The following LUC7L2 variants were observed in gnomAD, a reference collection of about 807,000 sequenced individuals.
LUC7L2 encodes the protein LUC7 like 2, pre-mRNA splicing factor.
A neutral mutation model predicts 52.8 loss-of-function variants in LUC7L2; 25 were observed. The ratio of observed to expected loss-of-function variants is 0.47; its 90% CI spans 0.34 to 0.66. The LOEUF (loss-of-function observed/expected upper bound fraction) is 0.66, where lower values mean the gene tolerates loss of function less well. Among genes scored for constraint, LUC7L2 ranks in the 30% least tolerant of loss-of-function variants. LUC7L2 has a pLI of 0.01. For synonymous variants in LUC7L2, 144 were observed against 160.9 expected, an observed-to-expected ratio of 0.89 and a Z score of 0.80; for missense variants, 328 against 497.8, an observed-to-expected ratio of 0.66 and a Z score of 3.25.
chr7:139,358,548 ATC>A (rs1369823527), upstream of LUC7L2, among the ~76,000 whole-genome samples: 5 of 152,256 alleles, frequency 3.3e-5, no homozygotes, highest in African/African-American at 1.2e-4. Context: ...TGGAACACAA[ATC>A]TCTATTATGT....
chr7:139,380,623 G>T (rs1425534531), intron 2 of LUC7L2, among the ~76,000 whole-genome samples: 1 of 151,974 alleles, frequency 6.6e-6, no homozygotes, highest in Non-Finnish European at 1.5e-5. Context: ...AAAATAAGAA[G>T]CTTGGATTAT....
intron 1 of LUC7L2, among the ~76,000 whole-genome samples, chr7:139,364,985 ATAAT>A (rs1800081392): frequency 6.6e-6 from 1 of 152,246 alleles, no homozygotes; most frequent in African/African-American, 2.4e-5. Flanking sequence ...CATTTTTTAA[ATAAT>A]AACAGGATAT....
At chr7:139,376,849 C>T (rs1040710603) in intron 2 of LUC7L2, among the ~76,000 whole-genome samples, 3 of 152,170 alleles carry the variant, frequency 2.0e-5, no homozygotes, top group African/African-American at 7.2e-5. Context: ...GGCTAAACCT[C>T]GAGCTGGCTT....
upstream of LUC7L2, among the ~76,000 whole-genome samples, chr7:139,356,562 A>G (rs200902188): frequency 1.4e-4 from 21 of 150,640 alleles, no homozygotes; most frequent in East Asian, 4.0e-3. Flanking sequence ...CAGGTGGATC[A>G]CTTAAGGTCA....
At chr7:139,417,834 CTT>C (rs1334147074) in intron 9 of LUC7L2, 105 bp downstream of exon 9, 4 of 1,413,550 alleles carry the variant, frequency 2.8e-6, no homozygotes, top group African/African-American at 2.9e-5. Flanking sequence ...TGGTTTGAAA[CTT>C]TTGCATCTGG....
At chr7:139,418,277 G>T (rs764818778) in intron 9 of LUC7L2, among the ~76,000 whole-genome samples, 3 of 152,138 alleles carry the variant, frequency 2.0e-5, no homozygotes, top group Non-Finnish European at 4.4e-5. Flanking sequence ...CATTCAAAAG[G>T]TGCAGGCATA....
rs56825340 is a variant in LUC7L2 at position 139,350,586 on chromosome 7, CTTAG to C, written c.-26+10073_-26+10076del. 6.4e-3 allele frequency among the ~76,000 whole-genome samples: 967 copies of C among 152,040 alleles called. 11 individuals carry two copies. The highest frequency in any genetic ancestry group is 0.022 in the African/African-American group (917 of 41,452). ...CTTCAGGACACCAAACCCAGTGGAT[CTTAG>C]TTATTTTTTATCTCGTTTGTTGTCT... is the stretch of plus-strand genomic sequence containing the variant. On this transcript the variant is annotated intron_variant, in intron 1 of 10. Coordinates refer to the LUC7L2 transcript ENST00000541170.
chr7:139,370,591 A>G (rs1029616135), intron 1 of LUC7L2, among the ~76,000 whole-genome samples: 2 of 152,112 alleles, frequency 1.3e-5, no homozygotes, highest in Non-Finnish European at 2.9e-5. Context: ...TGTAGCTGAT[A>G]TTACAGACCT....
At chr7:139,375,192 G>C in intron 1 of LUC7L2, 2 of 984,194 alleles carry the variant, frequency 2.0e-6, no homozygotes, top group South Asian at 9.4e-5. Context: ...TGTTATTGGA[G>C]CTAGTTACCT....
chr7:139,371,572 C>T lies in LUC7L2; in HGVS notation c.62-4490C>T, dbSNP rs1043315157. On this transcript the variant is annotated intron_variant, in intron 1 of 9. Coordinates refer to ENST00000354926, the MANE Select transcript of LUC7L2 (RefSeq NM_016019.5). The stretch of plus-strand genomic sequence containing the variant: ...GGTGGGTAGTACTGGGGGGAGGGGG[C>T]GGATATTGGGAAGATAGCATGCAAA... 2.2e-5 allele frequency: 29 copies of T among 1,304,234 alleles called. No homozygotes were observed. The Admixed American group carries it at 3.0e-4, about 14-fold the overall frequency. The allele number at this position is 1,304,234 out of a possible 1,614,324, so 80.8% of individuals were successfully genotyped here.
At chr7:139,392,692 G>T (rs2131261890) in intron 2 of LUC7L2, 1 of 195,510 alleles carries the variant, frequency 5.1e-6, no homozygotes, top group Middle Eastern at 2.2e-3. Flanking sequence ...TTTCGCTCTT[G>T]TTGCCCAGGC....
At chr7:139,384,431 A>G (rs1031376642) in intron 2 of LUC7L2, among the ~76,000 whole-genome samples, 4 of 152,074 alleles carry the variant, frequency 2.6e-5, no homozygotes, top group African/African-American at 9.7e-5. Flanking sequence ...ATGCCCCGCT[A>G]ATTTCCAAAT....
chr7:139,342,151 A>G (rs555173306), intron 1 of LUC7L2, among the ~76,000 whole-genome samples: 1 of 151,862 alleles, frequency 6.6e-6, no homozygotes, highest in Non-Finnish European at 1.5e-5. Context: ...CTGTGCTAGG[A>G]ACCTGGTCTA....
chr7:139,341,136 C>G (rs1798931598), intron 1 of LUC7L2: 2 of 468,688 alleles, frequency 4.3e-6, no homozygotes, highest in Non-Finnish European at 6.9e-6. Context: ...TTTCCCCAAA[C>G]CCTTGTTCTG....
At chr7:139,348,572 A>T (rs1336540820) in intron 1 of LUC7L2, among the ~76,000 whole-genome samples, 1 of 151,596 alleles carries the variant, frequency 6.6e-6, no homozygotes, top group Non-Finnish European at 1.5e-5. Context: ...TACAAAAATT[A>T]GCTGGACTTA....
intron 1 of LUC7L2, among the ~76,000 whole-genome samples, chr7:139,364,419 A>C (rs1800041002): frequency 6.6e-6 from 1 of 152,164 alleles, no homozygotes; most frequent in Non-Finnish European, 1.5e-5. Flanking sequence ...GTTAGATAGA[A>C]TTTTATAGCA....
chr7:139,378,182 C>T (rs1006478892), intron 2 of LUC7L2, among the ~76,000 whole-genome samples: 1 of 152,058 alleles, frequency 6.6e-6, no homozygotes, highest in Non-Finnish European at 1.5e-5. Flanking sequence ...TGCTATGCTG[C>T]ATCTGAAATC....
At chr7:139,365,986 A>G (rs777065079) in intron 1 of LUC7L2, among the ~76,000 whole-genome samples, 1 of 152,230 alleles carries the variant, frequency 6.6e-6, no homozygotes, top group African/African-American at 2.4e-5. Context: ...TCAGTTTTGC[A>G]AGATTATTGA....
At chr7:139,416,384 G>A (rs1795620488) in intron 8 of LUC7L2, 1 of 151,818 alleles carries the variant, frequency 6.6e-6, no homozygotes, top group South Asian at 2.1e-4. Context: ...CCAGCACCTT[G>A]ATCGTATATT....
Sources: gnomAD v4.1 joint callset for allele counts (sites outside exome capture counted in the v4.1 genomes callset) on GRCh38, gnomAD v4.1.1 for gene constraint, MANE v1.5 for transcripts, NCBI Gene and HGNC (gene_info 2026-07-23, HGNC 2026-07-21) for gene names.